NEK1: variants seen among roughly 807,000 people sequenced by gnomAD.
NEK1 encodes NIMA related kinase 1.
NEK1 carries 137 observed loss-of-function variants against 182.1 expected under a neutral mutation model. The observed-to-expected ratio is 0.75, with a 90% CI of 0.65 to 0.87. The LOEUF is 0.87. Among genes scored for constraint, NEK1 ranks in the 40% least tolerant of loss-of-function variants. NEK1 has a pLI of 0.00. For missense variants in NEK1, 1,391 were observed against 1,494.4 expected, an observed-to-expected ratio of 0.93 and a Z score of 1.14; for synonymous variants, 513 against 492.2, an observed-to-expected ratio of 1.04 and a Z score of -0.56.
chr4:169,574,410 A>G (rs564497310), intron 12 of NEK1, among the ~76,000 whole-genome samples: 10 of 152,194 alleles, frequency 6.6e-5, no homozygotes, highest in East Asian at 5.8e-4. Flanking sequence ...CCTGGCTAAC[A>G]TGGTGAAACC....
chr4:169,411,479 G>A (rs999412585), intron 31 of NEK1, among the ~76,000 whole-genome samples: 2 of 151,960 alleles, frequency 1.3e-5, no homozygotes, highest in African/African-American at 4.8e-5. Flanking sequence ...GGCATGTGCC[G>A]CCACACCTGG....
chr4:169,452,711 T>A (rs1742065925), intron 27 of NEK1, among the ~76,000 whole-genome samples: 1 of 152,202 alleles, frequency 6.6e-6, no homozygotes, highest in Non-Finnish European at 1.5e-5. Context: ...AGTATCATAC[T>A]GAATGGGCAA....
chr4:169,500,366 G>A (rs1429998425), intron 23 of NEK1, among the ~76,000 whole-genome samples: 1 of 152,136 alleles, frequency 6.6e-6, no homozygotes, highest in Non-Finnish European at 1.5e-5. Flanking sequence ...GTGATGCCTC[G>A]CCCTGCTTCG....
chr4:169,490,741 T>C (rs895320476), intron 23 of NEK1, among the ~76,000 whole-genome samples: 1 of 151,536 alleles, frequency 6.6e-6, no homozygotes, highest in Non-Finnish European at 1.5e-5. Context: ...ATCTGTGAAT[T>C]TGAAGATAGG....
rs773884666 is a variant in NEK1 at position 169,426,107 on chromosome 4, T to C, written c.2974+39A>G. On this transcript the variant is annotated intron_variant, in intron 30 of 35. Coordinates refer to ENST00000507142, the MANE Select transcript of NEK1 (RefSeq NM_001199397.3). ...AGGTTGATGTTAATAATCATTAACA[T>C]CTTCCAGAAAGTAATTAGACTAATG... The C allele has an allele frequency of 6.2e-6, 9 of 1,454,084 alleles. No homozygotes were observed. In the South Asian group the frequency reaches 1.1e-4, roughly 17 times the overall value. The allele number at this position is 1,454,084 out of a possible 1,614,324, so 90.1% of individuals were successfully genotyped here.
At chr4:169,536,408 A>T (rs1309633073) in intron 19 of NEK1, among the ~76,000 whole-genome samples, 2 of 152,144 alleles carry the variant, frequency 1.3e-5, no homozygotes, top group Non-Finnish European at 2.9e-5. Flanking sequence ...AAGGAAAAAG[A>T]TAAGAATGAA....
chr4:169,610,155 C>T (rs936607948), intron 2 of NEK1, among the ~76,000 whole-genome samples: 1 of 151,984 alleles, frequency 6.6e-6, no homozygotes, highest in Non-Finnish European at 1.5e-5. Flanking sequence ...GAGTGTGACA[C>T]CATACCCAGC....
At position 169,589,476 on chromosome 4, in the gene NEK1, T is replaced by C; in HGVS notation, c.435A>G (p.Gly145=). 2 of 1,515,402 alleles carry C rather than the reference T, an allele frequency of 1.3e-6. 1 individual carries two copies. The highest frequency in any genetic ancestry group is 2.5e-5 in the South Asian group (2 of 80,254). 93.9% of individuals were successfully genotyped at this position (1,515,402 alleles called of 1,614,324 possible). A position where few individuals can be genotyped will look rare whatever the true frequency, so the allele number is the denominator to read the frequency against. Reference sequence around the variant, plus strand: ...TAAGAACTCTAGCAATTCCAAAATCTCCAAGTTGTACTGTTCCATCTTTAG... The same window carrying C: ...TAAGAACTCTAGCAATTCCAAAATCCCCAAGTTGTACTGTTCCATCTTTAG... ...FLTKDGTVQL[G]DFGIARVLNS... Residue 145 remains glycine (G), a synonymous_variant, in exon 7 of 36, where the codon GGA becomes GGG. Transcript: ENST00000507142.
chr4:169,480,594 G>A (rs1747811621), intron 23 of NEK1, among the ~76,000 whole-genome samples: 3 of 150,350 alleles, frequency 2.0e-5, no homozygotes, highest in Admixed American at 2.0e-4. Flanking sequence ...GTCTTGCCTT[G>A]ATACTGATGG....
chr4:169,545,414 T>C (rs1580650115), intron 18 of NEK1, among the ~76,000 whole-genome samples: 1 of 151,362 alleles, frequency 6.6e-6, no homozygotes, highest in South Asian at 2.1e-4. Flanking sequence ...TATTCCATGG[T>C]GTATATATGC....
At chr4:169,527,851 ATTAC>A (rs1182832132) in intron 19 of NEK1, among the ~76,000 whole-genome samples, 2 of 152,154 alleles carry the variant, frequency 1.3e-5, no homozygotes, top group African/African-American at 4.8e-5. Flanking sequence ...ATAATAATGA[ATTAC>A]TTAAACACAC....
chr4:169,570,664 C>A (rs988823216), intron 12 of NEK1, among the ~76,000 whole-genome samples: 10 of 152,356 alleles, frequency 6.6e-5, no homozygotes, highest in African/African-American at 2.4e-4. Flanking sequence ...GCCACCACCC[C>A]ATCTGGGAGG....
At chr4:169,401,575 A>T in intron 33 of NEK1, 77 bp downstream of exon 33, 1 of 1,288,304 alleles carries the variant, frequency 7.8e-7, no homozygotes. Context: ...GGTTCACAGC[A>T]GAGATTAGAA....
intron 28 of NEK1, among the ~76,000 whole-genome samples, chr4:169,434,558 G>C (rs1738046515): frequency 6.6e-6 from 1 of 152,126 alleles, no homozygotes; most frequent in Non-Finnish European, 1.5e-5. Flanking sequence ...TTCTGGCAGT[G>C]GCTCATTTTT....
At chr4:169,506,477 G>C (rs570340425) in intron 23 of NEK1, among the ~76,000 whole-genome samples, 1 of 152,050 alleles carries the variant, frequency 6.6e-6, no homozygotes, top group Non-Finnish European at 1.5e-5. Flanking sequence ...AGTAAGGGCC[G>C]GGCGTGGTGG....
chr4:169,538,062 T>C (rs896033473), intron 18 of NEK1, among the ~76,000 whole-genome samples, 151 bp from the exon 19 acceptor site: 1 of 151,044 alleles, frequency 6.6e-6, no homozygotes, highest in African/African-American at 2.5e-5. Context: ...TATATATATA[T>C]TGACATCTAC....
intron 23 of NEK1, among the ~76,000 whole-genome samples, chr4:169,482,842 A>G (rs1748325302): frequency 6.6e-6 from 1 of 152,026 alleles, no homozygotes; most frequent in African/African-American, 2.4e-5. Flanking sequence ...TCACTATGTT[A>G]GCCAGGCTGG....
chr4:169,602,158 A>G, intron 3 of NEK1, 54 bp from the exon 4 acceptor site: 3 of 1,240,498 alleles, frequency 2.4e-6, no homozygotes, highest in South Asian at 2.4e-5. Flanking sequence ...AAACAACCTA[A>G]AAGTCCATCA....
At chr4:169,434,830 A>T (rs997791982) in intron 28 of NEK1, among the ~76,000 whole-genome samples, 5 of 152,198 alleles carry the variant, frequency 3.3e-5, no homozygotes, top group African/African-American at 1.2e-4. Flanking sequence ...ATTCAAGGTA[A>T]GCACTTGGGG....
Sources: gnomAD v4.1 joint callset for allele counts (sites outside exome capture counted in the v4.1 genomes callset) on GRCh38, gnomAD v4.1.1 for gene constraint, MANE v1.5 for transcripts, NCBI Gene and HGNC (gene_info 2026-07-23, HGNC 2026-07-21) for gene names.